Variants in DZIP1 observed in about 807,000 individuals in gnomAD.
DZIP1 encodes the protein cilium assembly protein DZIP1.
Under a neutral mutation model 107.6 loss-of-function variants are expected in DZIP1, and 97 were observed. The ratio of observed to expected loss-of-function variants is 0.90; its 90% confidence interval spans 0.77 to 1.07. The LOEUF (loss-of-function observed/expected upper bound fraction) is 1.07. Among genes scored for constraint, DZIP1 ranks in the 50% least tolerant of loss-of-function variants. The pLI, the probability that DZIP1 is intolerant of heterozygous loss-of-function variation, is 0.00. For synonymous variants in DZIP1, 390 were observed against 386.4 expected, an observed-to-expected ratio of 1.01 and a Z score of -0.11; for missense variants, 1,035 against 1,063.6, an observed-to-expected ratio of 0.97 and a Z score of 0.37.
intron 13 of DZIP1, among the ~76,000 whole-genome samples, chr13:95,606,458 G>C (rs1011702968): frequency 5.3e-5 from 8 of 152,128 alleles, no homozygotes; most frequent in Admixed American, 1.3e-4. Context: ...GCCTATTCTT[G>C]ACATTTCATA....
At chr13:95,627,270 T>C (rs1428923428) in intron 7 of DZIP1, among the ~76,000 whole-genome samples, 5 of 152,160 alleles carry the variant, frequency 3.3e-5, no homozygotes, top group Non-Finnish European at 7.4e-5. Context: ...AAGAATAGTC[T>C]CTTGAAAAAT....
chr13:95,591,539 C>T (rs190244770), intron 16 of DZIP1, among the ~76,000 whole-genome samples: 6 of 152,274 alleles, frequency 3.9e-5, no homozygotes, highest in Middle Eastern at 3.4e-3. Flanking sequence ...ATACCACCCA[C>T]CCAGTTGCCC....
chr13:95,611,093 A>C (rs1334686603), intron 12 of DZIP1, among the ~76,000 whole-genome samples: 1 of 152,196 alleles, frequency 6.6e-6, no homozygotes, highest in Non-Finnish European at 1.5e-5. Context: ...CAGAGATGGG[A>C]GTTGAACCCA....
chr13:95,578,479 C>T lies in DZIP1; in HGVS notation c.*3755G>A, dbSNP rs1321853171. ...GGTTAAATAGACATGTTACTGGCTG[C>T]ACACAGGCAAATTCTAGTTTGTTTT... On this transcript the variant is annotated 3_prime_UTR_variant, in exon 23 of 23. Transcript: ENST00000376829. The T allele has an allele frequency of 6.6e-6, 1 of 152,260 alleles. No homozygotes were observed. Among genetic ancestry groups the T allele is most frequent in the Non-Finnish European group, 1.5e-5 (1 of 68,076 alleles). The allele number at this position is 152,260 out of a possible 1,614,324, so 9.4% of individuals were successfully genotyped here.
At chr13:95,631,821 A>G (rs1877230361) in intron 6 of DZIP1, among the ~76,000 whole-genome samples, 1 of 152,156 alleles carries the variant, frequency 6.6e-6, no homozygotes, top group African/African-American at 2.4e-5. Flanking sequence ...TGGATACAGT[A>G]GGACCACTCC....
intron 5 of DZIP1, among the ~76,000 whole-genome samples, chr13:95,638,807 G>A (rs1431354738): frequency 6.6e-6 from 1 of 152,214 alleles, no homozygotes; most frequent in Non-Finnish European, 1.5e-5. Flanking sequence ...AGCAAAGGGA[G>A]TAGAGACAAA....
At chr13:95,613,002 T>C (rs1316581058) in intron 10 of DZIP1, among the ~76,000 whole-genome samples, 1 of 150,164 alleles carries the variant, frequency 6.7e-6, no homozygotes, top group Non-Finnish European at 1.5e-5. Flanking sequence ...TGGTGGGGAT[T>C]AGAGGGAAAG....
At chr13:95,582,409 ATCAC>A in intron 22 of DZIP1, 96 bp from the exon 23 acceptor site, 2 of 1,027,914 alleles carry the variant, frequency 1.9e-6, no homozygotes, top group Non-Finnish European at 3.0e-6. Flanking sequence ...ATTGTCATTA[ATCAC>A]TCAGTGTCTA....
chr13:95,581,942 A>T lies in DZIP1; in HGVS notation c.*292T>A. The T allele has an allele frequency of 3.8e-6, 1 of 261,748 alleles. No homozygotes were observed. The highest frequency in any genetic ancestry group is 7.1e-6 in the Non-Finnish European group (1 of 140,096). 16.2% of individuals were successfully genotyped at this position (261,748 alleles called of 1,614,324 possible). A position where few individuals can be genotyped will look rare whatever the true frequency, so the allele number is the denominator to read the frequency against. ...AAAATTAGTTGAAAAAAATACACTT[A>T]ACACTAGAGTACCTTTCTGAAGAAA... is the stretch of plus-strand genomic sequence containing the variant. On this transcript the variant is annotated 3_prime_UTR_variant, in exon 23 of 23. Coordinates refer to ENST00000376829, the MANE Select transcript of DZIP1 (RefSeq NM_198968.4).
chr13:95,600,771 G>A (rs1251820019), intron 14 of DZIP1, among the ~76,000 whole-genome samples: 1 of 152,138 alleles, frequency 6.6e-6, no homozygotes, highest in African/African-American at 2.4e-5. Flanking sequence ...CTGGAATACA[G>A]CCTATGACTG....
intron 5 of DZIP1, among the ~76,000 whole-genome samples, chr13:95,640,048 A>G (rs993307005): frequency 6.0e-5 from 9 of 149,960 alleles, no homozygotes; most frequent in Admixed American, 1.3e-4. Context: ...GCTGGAGTGC[A>G]GTGGCGCTAT....
At chr13:95,597,288 C>T (rs1354064862) in intron 15 of DZIP1, among the ~76,000 whole-genome samples, 2 of 47,402 alleles carry the variant, frequency 4.2e-5, no homozygotes, top group Admixed American at 4.4e-4. Context: ...AACTACATGA[C>T]CTGAAGTTCT....
rs759456440 is a variant in DZIP1 at position 95,587,584 on chromosome 13, C to T, written c.2173G>A (p.Glu725Lys). 1.1e-5 allele frequency: 18 copies of T among 1,613,982 alleles called. No individual in the cohort carries two copies. Among genetic ancestry groups the T allele is most frequent in the Non-Finnish European group, 1.4e-5 (17 of 1,180,018 alleles). ...NTVKSDADGT[E>K]GSEIEDTDDS... ...TCAGTGTCCTCGATTTCGCTTCCCT[C>T]GGTCCCGTCCGCGTCACTTTTCACT... is the stretch of plus-strand genomic sequence containing the variant. Residue 725 changes from glutamate (E) to lysine (K), a missense_variant, in exon 20 of 23, where the codon GAG becomes AAG. Physicochemically the swap from Glu to Lys is moderately conservative, Grantham distance 56. Coordinates refer to ENST00000376829, the MANE Select transcript of DZIP1 (RefSeq NM_198968.4).
Position 95,619,899 on chromosome 13 carries a change from T to C in DZIP1, c.1159A>G (p.Lys387Glu). ...RVQAIHQEHK[K>E]EKGRLLSHIE... ...CTTAACCTTACCCGACCCTTCTCTTTCTTGTGTTCTTGATGAATAGCTTGA... is the reference window on the plus strand; with the variant it reads ...CTTAACCTTACCCGACCCTTCTCTTCCTTGTGTTCTTGATGAATAGCTTGA... Residue 387 changes from lysine (K) to glutamate (E), a missense_variant, in exon 10 of 23, where the codon AAA becomes GAA. Transcript: ENST00000376829. 6.2e-7 allele frequency: 1 copy of C among 1,613,936 alleles called. No individual in the cohort carries two copies. The highest frequency in any genetic ancestry group is 8.5e-7 in the Non-Finnish European group (1 of 1,179,964).
At chr13:95,625,883 G>T (rs1876483643) in intron 7 of DZIP1, among the ~76,000 whole-genome samples, 1 of 152,070 alleles carries the variant, frequency 6.6e-6, no homozygotes, top group African/African-American at 2.4e-5. Flanking sequence ...AACAGTTTGG[G>T]AGGCCACGGT....
At chr13:95,585,448 C>A (rs1431463642) in intron 21 of DZIP1, among the ~76,000 whole-genome samples, 1 of 152,210 alleles carries the variant, frequency 6.6e-6, no homozygotes, top group African/African-American at 2.4e-5. Flanking sequence ...AGTAATTTGA[C>A]AAAATGCCCT....
chr13:95,580,929 A>G lies in DZIP1; in HGVS notation c.*1305T>C, dbSNP rs375424578. On this transcript the variant is annotated 3_prime_UTR_variant, in exon 23 of 23. Transcript: ENST00000376829. The stretch of plus-strand genomic sequence containing the variant: ...TAGGAAGTTGGAAGGATTCTTTTAG[A>G]GGGCAGGAATGGGCTACAAGTAAAA... The G allele has an allele frequency of 3.9e-4, 60 of 152,346 alleles. No homozygotes were observed. Among genetic ancestry groups the G allele is most frequent in the African/African-American group, 1.2e-3 (51 of 41,578 alleles). 9.4% of individuals were successfully genotyped at this position (152,346 alleles called of 1,614,324 possible).
chr13:95,599,509 T>A (rs1594666733), intron 14 of DZIP1, 85 bp from the exon 15 acceptor site: 2 of 1,215,330 alleles, frequency 1.6e-6, no homozygotes, highest in Admixed American at 1.7e-5. Context: ...TTGAAAGATA[T>A]CATTCCATGG....
At chr13:95,614,625 T>G (rs1874812768) in intron 10 of DZIP1, among the ~76,000 whole-genome samples, 1 of 152,158 alleles carries the variant, frequency 6.6e-6, no homozygotes, top group South Asian at 2.1e-4. Flanking sequence ...CCAGAAATTA[T>G]TTTGAAGTTT....
Sources: gnomAD v4.1 joint callset for allele counts (sites outside exome capture counted in the v4.1 genomes callset) on GRCh38, gnomAD v4.1.1 for gene constraint, MANE v1.5 for transcripts, NCBI Gene and HGNC (gene_info 2026-07-23, HGNC 2026-07-21) for gene names.